The following GPC5 variants were observed in gnomAD, a reference collection of about 807,000 sequenced individuals.
GPC5 encodes the protein glypican-5.
In GPC5, 47 loss-of-function variants were observed where a neutral mutation model predicts 53.9. The ratio of observed to expected loss-of-function variants is 0.87; its 90% CI spans 0.69 to 1.11. The LOEUF (loss-of-function observed/expected upper bound fraction) is 1.11, where lower values mean the gene tolerates loss of function less well. GPC5 is among the 50% of genes most tolerant of loss of function. The probability of loss-of-function intolerance (pLI) is 0.00; values close to 1 mark genes in which losing one functional copy is unlikely to be tolerated. For missense variants in GPC5, 748 were observed against 713.1 expected (o/e 1.05, Z -0.56); for synonymous variants, 286 against 263.3 (o/e 1.09, Z -0.84).
intron 6 of GPC5, among the ~76,000 whole-genome samples, chr13:92,050,725 A>G (rs994873623): frequency 1.3e-5 from 2 of 152,218 alleles, no homozygotes; most frequent in African/African-American, 2.4e-5. Context: ...TTGAGTCTGT[A>G]TAATAGAATT....
intron 7 of GPC5, among the ~76,000 whole-genome samples, chr13:92,744,616 G>C (rs527795976): frequency 6.6e-6 from 1 of 151,916 alleles, no homozygotes; most frequent in South Asian, 2.1e-4. Context: ...GAGCAAAACT[G>C]GGATCCATAA....
rs564029768 is a variant in GPC5 at position 91,732,558 on chromosome 13, T to C, written c.1154+3893T>C. On this transcript the variant is annotated intron_variant, in intron 4 of 7. Transcript: ENST00000377067. ...CCCATTTGTCAATTTTGGCTTTTGT[T>C]GCAATTGCTTTTGGTGTTTTTATCA... 3.4e-4 allele frequency among the ~76,000 whole-genome samples: 52 copies of C among 152,300 alleles called. 2 individuals carry two copies. In the South Asian group the frequency reaches 0.011, roughly 32 times the overall value.
intron 7 of GPC5, among the ~76,000 whole-genome samples, chr13:92,366,394 C>T (rs1347507248): frequency 6.6e-6 from 1 of 151,714 alleles, no homozygotes; most frequent in East Asian, 1.9e-4. Context: ...TTGTATTCCA[C>T]TTGCCTAGCA....
chr13:92,797,131 GAAT>G (rs1388901012), intron 7 of GPC5, among the ~76,000 whole-genome samples: 1 of 151,896 alleles, frequency 6.6e-6, no homozygotes, highest in Non-Finnish European at 1.5e-5. Flanking sequence ...TTTAAAATGA[GAAT>G]ACTACTACAG....
intron 7 of GPC5, among the ~76,000 whole-genome samples, chr13:92,663,617 CTA>C (rs1052070183): frequency 1.2e-5 from 1 of 80,838 alleles, no homozygotes; most frequent in African/African-American, 3.5e-5. Flanking sequence ...TATATATCTA[CTA>C]TATATATACT....
At chr13:91,884,595 G>T (rs2039302894) in intron 5 of GPC5, among the ~76,000 whole-genome samples, 1 of 152,224 alleles carries the variant, frequency 6.6e-6, no homozygotes, top group African/African-American at 2.4e-5. Context: ...TTTAAGCAGA[G>T]AAGTGATATG....
At chr13:92,301,367 T>C (rs909956510) in intron 7 of GPC5, among the ~76,000 whole-genome samples, 1 of 152,152 alleles carries the variant, frequency 6.6e-6, no homozygotes, top group African/African-American at 2.4e-5. Context: ...AAGGGTCTCA[T>C]TGAACTTGTA....
At chr13:91,721,268 G>T (rs2036467214) in intron 3 of GPC5, among the ~76,000 whole-genome samples, 1 of 151,990 alleles carries the variant, frequency 6.6e-6, no homozygotes, top group African/African-American at 2.4e-5. Flanking sequence ...TTGAGTAGCT[G>T]GACTTACAGG....
Position 92,206,515 on chromosome 13 carries a change from C to T in GPC5, c.1561+61526C>T, listed in dbSNP as rs1377626697. Among the ~76,000 whole-genome samples the T allele has an allele frequency of 5.3e-5, 8 of 151,984 alleles. No individual in the cohort carries two copies. In the East Asian group the frequency reaches 1.2e-3, roughly 22 times the overall value. ...TGCCATGTATTTTTATGTTTTGTTC[C>T]TTGGTTTACCATTATTTGTACCTTA... On this transcript the variant is annotated intron_variant, in intron 7 of 7. Transcript: ENST00000377067.
At chr13:92,488,446 G>A (rs1447148399) in intron 7 of GPC5, among the ~76,000 whole-genome samples, 3 of 152,194 alleles carry the variant, frequency 2.0e-5, no homozygotes, top group African/African-American at 7.2e-5. Flanking sequence ...GATGGGAAAA[G>A]TAATATTTGA....
intron 6 of GPC5, among the ~76,000 whole-genome samples, chr13:92,008,672 T>C (rs947159960): frequency 1.3e-5 from 2 of 152,218 alleles, no homozygotes; most frequent in African/African-American, 4.8e-5. Context: ...GTAATTCTTG[T>C]CTCCGTGTTG....
chr13:92,831,395 A>T lies in GPC5; in HGVS notation c.1562-34887A>T, dbSNP rs535324173. Among the ~76,000 whole-genome samples, 102 of 152,254 alleles carry T rather than the reference A, an allele frequency of 6.7e-4. 1 individual carries two copies. The highest frequency in any genetic ancestry group is 8.1e-4 in the Non-Finnish European group (55 of 68,014). ...TTATTTAAATCATATTTCTTGTTCCATAATACTTTATTACAACATTACTCC... is the reference window on the plus strand; with the variant it reads ...TTATTTAAATCATATTTCTTGTTCCTTAATACTTTATTACAACATTACTCC... On this transcript the variant is annotated intron_variant, in intron 7 of 7. Coordinates refer to ENST00000377067, the MANE Select transcript of GPC5 (RefSeq NM_004466.6).
chr13:92,677,491 A>G (rs191983943), intron 7 of GPC5, among the ~76,000 whole-genome samples: 336 of 152,326 alleles, frequency 2.2e-3, no homozygotes, highest in Admixed American at 4.2e-3. Context: ...AAAAGTAACA[A>G]ATTCTGTGTT....
chr13:92,508,162 C>T (rs1018113881), intron 7 of GPC5, among the ~76,000 whole-genome samples: 3 of 152,114 alleles, frequency 2.0e-5, no homozygotes, highest in African/African-American at 7.2e-5. Context: ...CAGTGTTTCA[C>T]CATGTTGGCC....
chr13:92,852,671 A>G (rs765144475), intron 7 of GPC5, among the ~76,000 whole-genome samples: 11 of 152,098 alleles, frequency 7.2e-5, no homozygotes, highest in Non-Finnish European at 1.5e-4. Flanking sequence ...CCAGGCCTCA[A>G]GTGATCTTCC....
At chr13:92,352,549 C>T (rs1466833794) in intron 7 of GPC5, among the ~76,000 whole-genome samples, 1 of 151,702 alleles carries the variant, frequency 6.6e-6, no homozygotes, top group African/African-American at 2.4e-5. Flanking sequence ...TGCCAAAAGA[C>T]ATAAGTAGAT....
At position 92,844,900 on chromosome 13, in the gene GPC5, A is replaced by G. The variant is rs1475483740; in HGVS notation, c.1562-21382A>G. Among the ~76,000 whole-genome samples, 4 of 152,310 alleles carry G rather than the reference A, an allele frequency of 2.6e-5. No homozygotes were observed. The South Asian group carries it at 8.3e-4, about 32-fold the overall frequency. On this transcript the variant is annotated intron_variant, in intron 7 of 7. Coordinates refer to ENST00000377067, the MANE Select transcript of GPC5 (RefSeq NM_004466.6). The stretch of plus-strand genomic sequence containing the variant: ...CTTATCTCTGGAACTCTAGAGAGCA[A>G]GAGTGTTCCTAGAACCTTTATATTC...
At chr13:92,214,975 G>A (rs577571641) in intron 7 of GPC5, among the ~76,000 whole-genome samples, 14 of 152,240 alleles carry the variant, frequency 9.2e-5, no homozygotes, top group African/African-American at 3.1e-4. Flanking sequence ...CTCTTGAGCC[G>A]CCAAGAGAAA....
chr13:92,248,308 T>C (rs1387733394), intron 7 of GPC5, among the ~76,000 whole-genome samples: 3 of 152,072 alleles, frequency 2.0e-5, no homozygotes, highest in Admixed American at 2.0e-4. Flanking sequence ...CAAGCTTAGG[T>C]TCCTGGCAAT....
Sources: allele counts gnomAD v4.1 joint callset (sites outside exome capture counted in the v4.1 genomes callset), GRCh38; gene constraint gnomAD v4.1.1; transcripts MANE v1.5; gene names NCBI Gene and HGNC (gene_info 2026-07-23, HGNC 2026-07-21).